Variants in LOC128125816 observed in about 807,000 individuals in gnomAD.
chr12:122,226,467 A>G, the LOC128125816 span: 1 of 697,486 alleles, frequency 1.4e-6, no homozygotes, highest in Non-Finnish European at 2.6e-6. Flanking sequence ...CCAGCCGGCC[A>G]GCAGCAGCGC....
At chr12:122,226,463 G>T in the LOC128125816 span, 2 of 699,260 alleles carry the variant, frequency 2.9e-6, no homozygotes, top group Admixed American at 4.0e-5. Flanking sequence ...TGGTCCAGCC[G>T]GCCAGCAGCA....
chr12:122,226,457 C>A, the LOC128125816 span: 1 of 695,896 alleles, frequency 1.4e-6, no homozygotes. Context: ...AGTAAGTGGT[C>A]CAGCCGGCCA....
chr12:122,226,500 A>G, the LOC128125816 span: 1 of 698,820 alleles, frequency 1.4e-6, no homozygotes, highest in Non-Finnish European at 2.6e-6. Flanking sequence ...CGTGTAGCTG[A>G]GGAGCACGAA....
the LOC128125816 span, chr12:122,226,511 G>C: frequency 1.4e-6 from 1 of 699,286 alleles, no homozygotes; most frequent in Non-Finnish European, 2.6e-6. Flanking sequence ...GGAGCACGAA[G>C]GCGAGCAGCT....
the LOC128125816 span, chr12:122,226,462 C>G: frequency 1.4e-6 from 1 of 697,308 alleles, no homozygotes; most frequent in Admixed American, 2.0e-5. Flanking sequence ...GTGGTCCAGC[C>G]GGCCAGCAGC....
the LOC128125816 span, chr12:122,226,508 G>T: frequency 1.9e-5 from 13 of 699,062 alleles, no homozygotes; most frequent in Non-Finnish European, 3.1e-5. Context: ...TGAGGAGCAC[G>T]AAGGCGAGCA....
chr12:122,226,480 CG>C, the LOC128125816 span: 1 of 698,612 alleles, frequency 1.4e-6, no homozygotes, highest in Non-Finnish European at 2.6e-6. Context: ...AGCAGCGCCC[CG>C]ATGAGCACCG....
the LOC128125816 span, chr12:122,226,507 C>A: frequency 1.4e-6 from 1 of 699,070 alleles, no homozygotes; most frequent in South Asian, 1.5e-5. Context: ...CTGAGGAGCA[C>A]GAAGGCGAGC....
the LOC128125816 span, chr12:122,226,508 G>C: frequency 1.4e-6 from 1 of 699,062 alleles, no homozygotes; most frequent in South Asian, 1.5e-5. Context: ...TGAGGAGCAC[G>C]AAGGCGAGCA....
the LOC128125816 span, chr12:122,226,476 G>T: frequency 1.4e-6 from 1 of 698,234 alleles, no homozygotes; most frequent in South Asian, 1.5e-5. Flanking sequence ...CAGCAGCAGC[G>T]CCCCGATGAG....
At chr12:122,226,470 A>C in the LOC128125816 span, 2 of 697,510 alleles carry the variant, frequency 2.9e-6, no homozygotes, top group Non-Finnish European at 5.2e-6. Flanking sequence ...GCCGGCCAGC[A>C]GCAGCGCCCC....
the LOC128125816 span, chr12:122,226,495 A>G: frequency 1.4e-6 from 1 of 698,942 alleles, no homozygotes; most frequent in Non-Finnish European, 2.6e-6. Context: ...AGCACCGTGT[A>G]GCTGAGGAGC....
the LOC128125816 span, chr12:122,226,540 C>T: frequency 1.4e-6 from 1 of 698,866 alleles, no homozygotes; most frequent in Non-Finnish European, 2.6e-6. Flanking sequence ...AGCTGCAGCA[C>T]GTGGACGGTG....
the LOC128125816 span, chr12:122,226,514 G>A: frequency 1.4e-6 from 1 of 699,150 alleles, no homozygotes; most frequent in Non-Finnish European, 2.6e-6. Context: ...GCACGAAGGC[G>A]AGCAGCTCCC....
At chr12:122,226,489 C>T in the LOC128125816 span, 1 of 698,876 alleles carries the variant, frequency 1.4e-6, no homozygotes, top group Non-Finnish European at 2.6e-6. Context: ...CCGATGAGCA[C>T]CGTGTAGCTG....
At chr12:122,226,483 T>C in the LOC128125816 span, 1 of 698,910 alleles carries the variant, frequency 1.4e-6, no homozygotes, top group Non-Finnish European at 2.6e-6. Context: ...AGCGCCCCGA[T>C]GAGCACCGTG....
the LOC128125816 span, chr12:122,226,463 G>C: frequency 4.3e-6 from 3 of 699,146 alleles, no homozygotes; most frequent in South Asian, 3.0e-5. Context: ...TGGTCCAGCC[G>C]GCCAGCAGCA....
the LOC128125816 span, chr12:122,226,521 T>A: frequency 4.3e-6 from 3 of 698,764 alleles, no homozygotes; most frequent in African/African-American, 1.8e-5. Context: ...GGCGAGCAGC[T>A]CCCGCAGCAG....
chr12:122,226,443 A>G, the LOC128125816 span: 52 of 693,594 alleles, frequency 7.5e-5, no homozygotes, highest in Non-Finnish European at 1.6e-5. Flanking sequence ...CTTCAGCACC[A>G]GGAAGTAAGT....
Sources: gnomAD v4.1 joint callset for allele counts on GRCh38, gnomAD v4.1.1 for gene constraint, MANE v1.5 for transcripts.